Variants in SETBP1 observed in about 807,000 individuals in gnomAD.
SETBP1 encodes the protein SET binding protein 1, also known as SET-binding protein.
SETBP1 carries 9 observed loss-of-function variants against 101.0 expected under a neutral mutation model. The observed-to-expected ratio is 0.09, with a 90% CI of 0.05 to 0.16. The LOEUF (loss-of-function observed/expected upper bound fraction) is 0.16, where lower values mean the gene tolerates loss of function less well. Ranked by LOEUF, SETBP1 falls within the 10% of genes least tolerant of loss-of-function variation. The pLI is 1.00. For synonymous variants in SETBP1, 818 were observed against 788.5 expected (o/e 1.04, Z -0.63); for missense variants, 1,858 against 2,033.8 (o/e 0.91, Z 1.66).
chr18:45,019,143 G>A (rs1162886065), intron 4 of SETBP1, among the ~76,000 whole-genome samples: 1 of 152,160 alleles, frequency 6.6e-6, no homozygotes, highest in Non-Finnish European at 1.5e-5. Context: ...TGTCCTTCAA[G>A]CACATTTTTG....
Position 44,989,240 on chromosome 18 carries a change from A to G in SETBP1, c.4000+35900A>G, listed in dbSNP as rs2145273552. On this transcript the variant is annotated intron_variant, in intron 4 of 5. Coordinates refer to ENST00000649279, the MANE Select transcript of SETBP1 (RefSeq NM_015559.3). Reference sequence around the variant, plus strand: ...AACATCAAAAGAATAAGTACAACAGATTATGAAATATGGCAAGGTAGATTT... The same window carrying G: ...AACATCAAAAGAATAAGTACAACAGGTTATGAAATATGGCAAGGTAGATTT... 3 of 152,316 alleles carry G rather than the reference A, an allele frequency of 2.0e-5. No homozygotes were observed. The South Asian group carries it at 6.2e-4, about 32-fold the overall frequency. 9.4% of individuals were successfully genotyped at this position (152,316 alleles called of 1,614,324 possible).
At position 44,868,811 on chromosome 18, in the gene SETBP1, C is replaced by T. The variant is rs2069200828; in HGVS notation, c.487-419C>T. ...AGGAGATGGACCTTTGTCTCTGAAG[C>T]AGTAATTCTTGTATCACAGACCACT... On this transcript the variant is annotated intron_variant, in intron 2 of 5. Transcript: ENST00000649279. Among the ~76,000 whole-genome samples, 2 of 151,900 alleles carry T rather than the reference C, an allele frequency of 1.3e-5. 1 individual carries two copies. Among genetic ancestry groups the T allele is most frequent in the South Asian group, 4.1e-4 (2 of 4,826 alleles).
At chr18:45,030,166 T>C (rs1488174823) in intron 4 of SETBP1, among the ~76,000 whole-genome samples, 1 of 145,934 alleles carries the variant, frequency 6.9e-6, no homozygotes, top group African/African-American at 2.6e-5. Context: ...ATAGCTCTTA[T>C]TATTTTGAGA....
rs1187586037 is a variant in SETBP1 at position 45,063,655 on chromosome 18, G to T, written c.4748G>T (p.Arg1583Met). The change falls in exon 6 of 6, where the codon AGG becomes ATG. Residue 1583 changes from arginine (R) to methionine (M), a missense_variant. By Grantham distance (91) the Arg-to-Met change is moderately conservative. This residue lies in a region of SETBP1 where 178 missense variants were observed against 189.1 expected (regional missense o/e 0.94). Transcript: ENST00000649279. ...CAGGAAGAGGAGGTGAAAGCCAAAAGGCAGAGGAAGTCCCGAGGGAGTGAG... is the reference window on the plus strand; with the variant it reads ...CAGGAAGAGGAGGTGAAAGCCAAAATGCAGAGGAAGTCCCGAGGGAGTGAG... Reference protein sequence around the residue: ...LPQEEEVKAKRQRKSRGSESE... With the variant: ...LPQEEEVKAKMQRKSRGSESE... 1 of 1,608,544 alleles carries T rather than the reference G, an allele frequency of 6.2e-7. No individual in the cohort carries two copies. The highest frequency in any genetic ancestry group is 1.3e-5 in the African/African-American group (1 of 74,834).
At chr18:44,805,690 C>A (rs1217221660) in intron 2 of SETBP1, among the ~76,000 whole-genome samples, 1 of 152,064 alleles carries the variant, frequency 6.6e-6, no homozygotes, top group East Asian at 1.9e-4. Flanking sequence ...TCGTTATTTC[C>A]TTGATGGCAG....
chr18:44,772,619 T>C (rs530475654), intron 2 of SETBP1, among the ~76,000 whole-genome samples: 3 of 152,308 alleles, frequency 2.0e-5, no homozygotes, highest in African/African-American at 7.2e-5. Context: ...TTGGTCATCC[T>C]CCCAAGTAAT....
At chr18:44,709,185 T>C (rs1190027581) in intron 2 of SETBP1, among the ~76,000 whole-genome samples, 1 of 152,210 alleles carries the variant, frequency 6.6e-6, no homozygotes, top group African/African-American at 2.4e-5. Flanking sequence ...CTCTTGTTTG[T>C]TTTTTTCTCT....
chr18:44,765,276 ATTTGGTTCCTCTTC>A (rs2070742491), intron 2 of SETBP1, among the ~76,000 whole-genome samples: 1 of 151,770 alleles, frequency 6.6e-6, no homozygotes. Context: ...AAAAAAGCAG[ATTTGGTTCCTCTTC>A]TTTCCTTGCA....
intron 2 of SETBP1, among the ~76,000 whole-genome samples, chr18:44,736,930 C>T (rs1253256240): frequency 6.6e-6 from 1 of 152,144 alleles, no homozygotes; most frequent in Non-Finnish European, 1.5e-5. Flanking sequence ...TCTGTGCTCA[C>T]TCTCTCTCTC....
intron 2 of SETBP1, among the ~76,000 whole-genome samples, chr18:44,721,775 G>A (rs1238217966): frequency 1.3e-5 from 2 of 152,142 alleles, no homozygotes; most frequent in Non-Finnish European, 2.9e-5. Flanking sequence ...TGGCCATGAG[G>A]GGGACTTTTC....
At chr18:44,787,299 G>A (rs1053166093) in intron 2 of SETBP1, among the ~76,000 whole-genome samples, 3 of 152,136 alleles carry the variant, frequency 2.0e-5, no homozygotes, top group African/African-American at 7.2e-5. Flanking sequence ...GCATCTGTCA[G>A]CCTGAAGTAC....
At chr18:45,013,420 T>G (rs1039652806) in intron 4 of SETBP1, among the ~76,000 whole-genome samples, 11 of 150,562 alleles carry the variant, frequency 7.3e-5, no homozygotes, top group Non-Finnish European at 4.4e-5. Flanking sequence ...GACTCTTTCT[T>G]TCTTTCTTTC....
intron 4 of SETBP1, among the ~76,000 whole-genome samples, chr18:45,010,379 C>T (rs957436105): frequency 1.2e-4 from 19 of 152,134 alleles, no homozygotes; most frequent in Non-Finnish European, 2.8e-4. Context: ...GCTGATAATC[C>T]CCAGTTACTT....
Position 44,952,270 on chromosome 18 carries a change from A to T in SETBP1, c.2930A>T (p.Tyr977Phe). The T allele has an allele frequency of 1.2e-6, 2 of 1,614,160 alleles. No homozygotes were observed. Among genetic ancestry groups the T allele is most frequent in the Non-Finnish European group, 1.7e-6 (2 of 1,180,032 alleles). Residue 977 changes from tyrosine (Y) to phenylalanine (F), a missense_variant, in exon 4 of 6, where the codon TAC becomes TTC. Around this residue, in one of 12 missense-constraint regions of SETBP1, gnomAD observed 255 missense variants for 300.1 expected, o/e 0.85. Transcript: ENST00000649279. ...ATCTCCCACCGGAGTTACACCTTCT[A>T]CCACGAGAATCCATATCCCAGCATT... ...FRISHRSYTF[Y>F]HENPYPSIFR...
At chr18:45,048,576 G>A (rs2073658441) in intron 5 of SETBP1, among the ~76,000 whole-genome samples, 1 of 151,982 alleles carries the variant, frequency 6.6e-6, no homozygotes, top group Non-Finnish European at 1.5e-5. Context: ...GCTATATCAA[G>A]CTCATCTTAT....
intron 2 of SETBP1, among the ~76,000 whole-genome samples, chr18:44,724,735 A>C (rs1419248734): frequency 2.0e-5 from 3 of 152,220 alleles, no homozygotes; most frequent in Admixed American, 2.0e-4. Flanking sequence ...AGGGGTTAGC[A>C]GCAGGCAAAG....
At chr18:45,062,863 T>C (rs1486125095) in intron 5 of SETBP1, among the ~76,000 whole-genome samples, 1 of 152,108 alleles carries the variant, frequency 6.6e-6, no homozygotes, top group Non-Finnish European at 1.5e-5. Flanking sequence ...ATCATGTCAA[T>C]AGAAGTACTT....
intron 1 of SETBP1, among the ~76,000 whole-genome samples, chr18:44,683,375 G>A (rs1363251979): frequency 3.3e-5 from 5 of 152,230 alleles, no homozygotes; most frequent in African/African-American, 7.2e-5. Context: ...AGGAAACAGT[G>A]CTTGGGAGTG....
chr18:44,998,403 T>A (rs1399757982), intron 4 of SETBP1, among the ~76,000 whole-genome samples: 6 of 152,228 alleles, frequency 3.9e-5, no homozygotes, highest in Non-Finnish European at 7.3e-5. Flanking sequence ...TCTTCAAGGT[T>A]GAGTGGTGAG....
Sources: gnomAD v4.1 joint callset for allele counts (sites outside exome capture counted in the v4.1 genomes callset) on GRCh38, gnomAD v4.1.1 for gene constraint, gnomAD v4.1.1 regional missense constraint, MANE v1.5 for transcripts, NCBI Gene and HGNC (gene_info 2026-07-23, HGNC 2026-07-21) for gene names.